NRXN3: variants seen among roughly 807,000 people sequenced by gnomAD.
NRXN3 encodes the protein neurexin 3.
NRXN3 carries 32 observed loss-of-function variants against 137.6 expected under a neutral mutation model. The ratio of observed to expected loss-of-function variants is 0.23; its 90% CI spans 0.18 to 0.31. The LOEUF is 0.31. Among genes scored for constraint, NRXN3 ranks in the 10% least tolerant of loss-of-function variants. The pLI is 1.00. For synonymous variants in NRXN3, 798 were observed against 784.5 expected (o/e 1.02, Z -0.29); for missense variants, 1,574 against 2,062.5 (o/e 0.76, Z 4.59).
intron 4 of NRXN3, among the ~76,000 whole-genome samples, chr14:78,323,413 G>A (rs1209043049): frequency 2.0e-5 from 3 of 151,980 alleles, no homozygotes; most frequent in East Asian, 1.9e-4. Context: ...TGGGTAAGAC[G>A]CAGCACACCT....
intron 4 of NRXN3, among the ~76,000 whole-genome samples, chr14:78,531,183 A>G (rs984665433): frequency 6.6e-6 from 1 of 152,138 alleles, no homozygotes; most frequent in African/African-American, 2.4e-5. Context: ...TTCATGAGGA[A>G]GCTTAGGACA....
At chr14:79,561,856 T>C (rs1250774730) in intron 16 of NRXN3, among the ~76,000 whole-genome samples, 1 of 152,192 alleles carries the variant, frequency 6.6e-6, no homozygotes, top group Non-Finnish European at 1.5e-5. Context: ...TGAATACTGA[T>C]GTAACTTTTG....
intron 15 of NRXN3, among the ~76,000 whole-genome samples, chr14:79,413,627 A>G (rs2095451682): frequency 6.6e-6 from 1 of 152,044 alleles, no homozygotes; most frequent in Non-Finnish European, 1.5e-5. Context: ...CCAAGGATAC[A>G]GGCACTTTTA....
At chr14:78,748,715 G>C (rs2098626201) in intron 8 of NRXN3, among the ~76,000 whole-genome samples, 1 of 152,178 alleles carries the variant, frequency 6.6e-6, no homozygotes, top group Non-Finnish European at 1.5e-5. Context: ...TTGAGCTATA[G>C]AGGAAGAGGA....
chr14:79,038,411 G>T (rs2099619767), intron 15 of NRXN3, among the ~76,000 whole-genome samples: 1 of 152,056 alleles, frequency 6.6e-6, no homozygotes, highest in African/African-American at 2.4e-5. Flanking sequence ...AGATCAAATG[G>T]ATTGCTTTTT....
At chr14:78,604,671 A>AT (rs568374778) in intron 4 of NRXN3, among the ~76,000 whole-genome samples, 114 of 152,270 alleles carry the variant, frequency 7.5e-4, no homozygotes, top group African/African-American at 2.6e-3. Context: ...TGGAAGAGGA[A>AT]TTTGAGTCTG....
At chr14:78,245,461 G>A (rs2067537223) in intron 2 of NRXN3, among the ~76,000 whole-genome samples, 3 of 152,154 alleles carry the variant, frequency 2.0e-5, no homozygotes. Flanking sequence ...GTGTGGCCAG[G>A]TGAGTGCCTT....
At chr14:78,275,600 A>G (rs1356070629) in intron 2 of NRXN3, among the ~76,000 whole-genome samples, 1 of 152,128 alleles carries the variant, frequency 6.6e-6, no homozygotes, top group Admixed American at 6.5e-5. Flanking sequence ...AAAGCACCCC[A>G]TTTCCTGATA....
At chr14:79,656,220 G>A (rs2153978601) in intron 16 of NRXN3, among the ~76,000 whole-genome samples, 1 of 152,294 alleles carries the variant, frequency 6.6e-6, no homozygotes, top group African/African-American at 2.4e-5. Context: ...GATTTAGCGG[G>A]GAAACCGGAC....
At chr14:79,390,849 T>C (rs61993113) in intron 15 of NRXN3, among the ~76,000 whole-genome samples, 49,504 of 152,024 alleles carry the variant, frequency 0.33, 8,571 homozygotes, top group Middle Eastern at 0.54. Flanking sequence ...TAAGAGGTGA[T>C]TAGGTCATGA....
At position 79,467,243 on chromosome 14, in the gene NRXN3, G is replaced by A. The variant is rs1337762416; in HGVS notation, c.3285G>A (p.Gly1095=). ...CNDPGATYIF[G]KSGGLILYTW... ...CAGCTGGCGCTACGTACATCTTTGGGAAAAGTGGTGGGCTTATCCTCTACA... is the reference window on the plus strand; with the variant it reads ...CAGCTGGCGCTACGTACATCTTTGGAAAAAGTGGTGGGCTTATCCTCTACA... Residue 1095 remains glycine (G), a synonymous_variant, in exon 16 of 21, where the codon GGG becomes GGA. Transcript: ENST00000335750. 1.9e-6 allele frequency: 3 copies of A among 1,602,678 alleles called. No individual in the cohort carries two copies. The Admixed American group carries it at 5.0e-5, about 27-fold the overall frequency.
chr14:79,689,217 T>C (rs192175715), intron 17 of NRXN3, among the ~76,000 whole-genome samples: 1 of 152,260 alleles, frequency 6.6e-6, no homozygotes, highest in African/African-American at 2.4e-5. Flanking sequence ...ATATGAAATA[T>C]ATGACTGAAT....
intron 15 of NRXN3, among the ~76,000 whole-genome samples, chr14:79,454,009 G>A (rs868010709): frequency 1.3e-5 from 2 of 151,908 alleles, no homozygotes; most frequent in Non-Finnish European, 1.5e-5. Context: ...CTCAAACTGT[G>A]CATTTTCCCA....
chr14:78,923,941 G>C (rs2099277901), intron 10 of NRXN3, among the ~76,000 whole-genome samples: 1 of 152,102 alleles, frequency 6.6e-6, no homozygotes, highest in African/African-American at 2.4e-5. Context: ...GGTATTTTTT[G>C]AGATTCCTTA....
intron 4 of NRXN3, among the ~76,000 whole-genome samples, chr14:78,516,835 G>A (rs1400738670): frequency 6.6e-6 from 1 of 152,152 alleles, no homozygotes; most frequent in Non-Finnish European, 1.5e-5. Flanking sequence ...GTTAGCAAAA[G>A]AGAAAGTAAA....
At chr14:79,046,606 CA>C (rs1451179245) in intron 15 of NRXN3, among the ~76,000 whole-genome samples, 1 of 152,200 alleles carries the variant, frequency 6.6e-6, no homozygotes, top group African/African-American at 2.4e-5. Context: ...TCTTGTAGTG[CA>C]AAAAACATGA....
At chr14:79,577,778 T>C (rs1261713038) in intron 16 of NRXN3, among the ~76,000 whole-genome samples, 2 of 152,342 alleles carry the variant, frequency 1.3e-5, no homozygotes, top group East Asian at 1.9e-4. Context: ...ATGATGCTGG[T>C]GGCAGGTAAA....
chr14:79,033,887 G>A (rs2099611740), intron 15 of NRXN3, among the ~76,000 whole-genome samples: 2 of 152,178 alleles, frequency 1.3e-5, no homozygotes, highest in East Asian at 3.9e-4. Flanking sequence ...ACAAGTTGAA[G>A]CCATTCAGGG....
rs141510131 is a variant in NRXN3, at chr14:78,538,875, G to A, written c.758-106245G>A. On this transcript the variant is annotated intron_variant, in intron 4 of 20. Coordinates refer to ENST00000335750, the MANE Select transcript of NRXN3 (RefSeq NM_001330195.2). ...TTTCTGCATCTATTGAGATAATCATGTGGTTTTTATTGTTGGTGCTGTTTA... is the reference window on the plus strand; with the variant it reads ...TTTCTGCATCTATTGAGATAATCATATGGTTTTTATTGTTGGTGCTGTTTA... 6.4e-3 allele frequency among the ~76,000 whole-genome samples: 978 copies of A among 152,302 alleles called. 8 individuals are homozygous for A. Among genetic ancestry groups the A allele is most frequent in the African/African-American group, 0.022 (928 of 41,568 alleles).
Sources: allele counts gnomAD v4.1 joint callset (sites outside exome capture counted in the v4.1 genomes callset), GRCh38; gene constraint gnomAD v4.1.1; transcripts MANE v1.5; gene names NCBI Gene and HGNC (gene_info 2026-07-23, HGNC 2026-07-21).